FGF12: variants seen among roughly 807,000 people sequenced by gnomAD.
FGF12 encodes fibroblast growth factor 12B.
In FGF12, 14 loss-of-function variants were observed where a neutral mutation model predicts 23.6. That is an observed-to-expected ratio of 0.59 (90% CI 0.39 to 0.93). FGF12 has a LOEUF of 0.93. Among genes scored for constraint, FGF12 ranks in the 40% least tolerant of loss-of-function variants. The pLI is 0.00. For synonymous variants in FGF12, 62 were observed against 77.3 expected (o/e 0.80, Z 1.04); for missense variants, 175 against 217.8 (o/e 0.80, Z 1.24).
At chr3:192,383,034 C>T (rs1719885166) in intron 2 of FGF12, among the ~76,000 whole-genome samples, 1 of 152,086 alleles carries the variant, frequency 6.6e-6, no homozygotes, top group African/African-American at 2.4e-5. Context: ...TTATTAATTG[C>T]ATGTGGGCAG....
chr3:192,703,959 C>T (rs1477003735), intron 2 of FGF12, among the ~76,000 whole-genome samples: 2 of 152,202 alleles, frequency 1.3e-5, no homozygotes, highest in Admixed American at 1.3e-4. Context: ...CTTGTCTTTG[C>T]CTCCCAAAGC....
chr3:192,469,983 G>T (rs1477154395), intron 2 of FGF12, among the ~76,000 whole-genome samples: 1 of 152,184 alleles, frequency 6.6e-6, no homozygotes, highest in Non-Finnish European at 1.5e-5. Context: ...AAGGGGAATG[G>T]AACTGGATAT....
intron 4 of FGF12, among the ~76,000 whole-genome samples, chr3:192,322,805 A>G (rs146774598): frequency 0.011 from 1,689 of 152,292 alleles, 35 homozygotes; most frequent in African/African-American, 0.038. Context: ...ATGCAGAAAA[A>G]TGAAACTAGA....
At chr3:192,154,602 C>G (rs567194384) in intron 5 of FGF12, among the ~76,000 whole-genome samples, 30 of 151,064 alleles carry the variant, frequency 2.0e-4, no homozygotes, top group Admixed American at 3.3e-4. Flanking sequence ...CCCTGCTGGG[C>G]GGTGCCTCCC....
At chr3:192,449,513 C>T (rs1287069262) in intron 2 of FGF12, among the ~76,000 whole-genome samples, 2 of 152,180 alleles carry the variant, frequency 1.3e-5, no homozygotes, top group Non-Finnish European at 2.9e-5. Flanking sequence ...CCAGGGCTCA[C>T]TTCCTGCAGG....
chr3:192,209,481 A>C (rs1410868946), intron 4 of FGF12, among the ~76,000 whole-genome samples: 2 of 152,182 alleles, frequency 1.3e-5, no homozygotes, highest in African/African-American at 4.8e-5. Flanking sequence ...TTAAAGTGAA[A>C]ATTAATCTTA....
intron 4 of FGF12, among the ~76,000 whole-genome samples, chr3:192,250,678 C>A (rs1711947533): frequency 1.3e-5 from 2 of 151,808 alleles, no homozygotes; most frequent in Admixed American, 6.6e-5. Flanking sequence ...TAGAGGATAC[C>A]TATAGGTATC....
At chr3:192,444,661 G>C (rs1722298228) in intron 2 of FGF12, among the ~76,000 whole-genome samples, 1 of 152,210 alleles carries the variant, frequency 6.6e-6, no homozygotes, top group African/African-American at 2.4e-5. Flanking sequence ...AGCCCTGCTT[G>C]CTACGCACAG....
chr3:192,679,210 G>A (rs1717433095), intron 2 of FGF12, among the ~76,000 whole-genome samples: 2 of 152,170 alleles, frequency 1.3e-5, no homozygotes, highest in East Asian at 3.8e-4. Context: ...GGGTAAGTCT[G>A]GGATGCAAGA....
At chr3:192,596,684 A>G (rs1270440268) in intron 2 of FGF12, among the ~76,000 whole-genome samples, 1 of 152,232 alleles carries the variant, frequency 6.6e-6, no homozygotes, top group African/African-American at 2.4e-5. Flanking sequence ...AGGATTTAGG[A>G]TAAGCTAAAA....
chr3:192,498,933 A>C (rs1350502258), intron 2 of FGF12, among the ~76,000 whole-genome samples: 1 of 152,206 alleles, frequency 6.6e-6, no homozygotes, highest in African/African-American at 2.4e-5. Context: ...AGGTCAGAAA[A>C]ATTTGTGTGC....
At chr3:192,163,747 G>T (rs1332629922) in intron 5 of FGF12, among the ~76,000 whole-genome samples, 1 of 151,910 alleles carries the variant, frequency 6.6e-6, no homozygotes, top group Admixed American at 6.6e-5. Context: ...ATTCTGCTGA[G>T]TCTTAAATCA....
intron 2 of FGF12, among the ~76,000 whole-genome samples, chr3:192,376,519 C>A (rs968004129): frequency 6.6e-6 from 1 of 151,850 alleles, no homozygotes; most frequent in Non-Finnish European, 1.5e-5. Flanking sequence ...TGTGTCACCA[C>A]GCCCGGCTAA....
intron 4 of FGF12, among the ~76,000 whole-genome samples, chr3:192,232,944 G>A (rs750634698): frequency 3.3e-5 from 5 of 151,928 alleles, no homozygotes; most frequent in Admixed American, 2.6e-4. Flanking sequence ...TTCTTTATCC[G>A]GTCCACTGTT....
chr3:192,616,049 T>C (rs1714743955), intron 2 of FGF12, among the ~76,000 whole-genome samples: 1 of 151,980 alleles, frequency 6.6e-6, no homozygotes, highest in South Asian at 2.1e-4. Flanking sequence ...AATTTTTTTC[T>C]TAAAATCTAA....
intron 4 of FGF12, among the ~76,000 whole-genome samples, chr3:192,235,095 G>A (rs1392072309): frequency 2.0e-5 from 3 of 151,994 alleles, no homozygotes; most frequent in African/African-American, 7.3e-5. Flanking sequence ...TTTATTTTAT[G>A]GTATAATGTC....
chr3:192,689,570 G>A (rs1282943417), intron 2 of FGF12, among the ~76,000 whole-genome samples: 1 of 151,832 alleles, frequency 6.6e-6, no homozygotes, highest in Admixed American at 6.6e-5. Flanking sequence ...AGATCATGCA[G>A]AAGAAATAAT....
At position 192,358,679 on chromosome 3, in the gene FGF12, G is replaced by T. The variant is rs574870852; in HGVS notation, c.124+1749C>A. On this transcript the variant is annotated intron_variant, in intron 3 of 5. Transcript: ENST00000445105. ...TTTGTCCTAGCTTGACCCCACACTT[G>T]CACTTCTACCCTTCTGTCTCTGCCC... 3.5e-4 allele frequency among the ~76,000 whole-genome samples: 54 copies of T among 152,262 alleles called. 1 individual carries two copies. Among genetic ancestry groups the T allele is most frequent in the African/African-American group, 1.3e-3 (53 of 41,556 alleles).
rs1218033370 is a variant in FGF12, at chr3:192,469,052, G to A, written c.14-108514C>T. Among the ~76,000 whole-genome samples the A allele has an allele frequency of 3.3e-5, 5 of 151,856 alleles. No homozygotes were observed. The East Asian group carries it at 7.7e-4, about 23-fold the overall frequency. On this transcript the variant is annotated intron_variant, in intron 2 of 5. Transcript: ENST00000445105. Reference sequence around the variant, plus strand: ...TCAAATTGTTCCAGATTTGGATATCGAGAGCCTTTAGGTAGGCTCCTGTGT... The same window carrying A: ...TCAAATTGTTCCAGATTTGGATATCAAGAGCCTTTAGGTAGGCTCCTGTGT...
Sources: gnomAD v4.1 joint callset for allele counts (sites outside exome capture counted in the v4.1 genomes callset) on GRCh38, gnomAD v4.1.1 for gene constraint, MANE v1.5 for transcripts, NCBI Gene and HGNC (gene_info 2026-07-23, HGNC 2026-07-21) for gene names.